The following DPP10 variants were observed in gnomAD, a reference collection of about 807,000 sequenced individuals.
DPP10 encodes the protein dipeptidyl peptidase like 10.
A neutral mutation model predicts 120.9 loss-of-function variants in DPP10; 33 were observed. The observed-to-expected ratio is 0.27, with a 90% confidence interval of 0.21 to 0.37. DPP10 has a LOEUF of 0.37. Among genes scored for constraint, DPP10 ranks in the 10% least tolerant of loss-of-function variants. The pLI is 1.00. For synonymous variants in DPP10, 337 were observed against 326.1 expected (o/e 1.03, Z -0.36); for missense variants, 816 against 942.8 (o/e 0.87, Z 1.76).
intron 1 of DPP10, among the ~76,000 whole-genome samples, chr2:114,562,332 C>T (rs916525093): frequency 9.2e-5 from 14 of 152,150 alleles, no homozygotes; most frequent in African/African-American, 3.4e-4. Flanking sequence ...ATCTTCCTCC[C>T]ACCACTAGGC....
At chr2:115,679,771 T>C (rs9653429) in intron 5 of DPP10, among the ~76,000 whole-genome samples, 8,001 of 152,200 alleles carry the variant, frequency 0.053, 706 homozygotes, top group African/African-American at 0.18. Flanking sequence ...TGTGTATCAC[T>C]TGTACGTGGG....
At chr2:114,618,640 G>T (rs116288712) in intron 1 of DPP10, among the ~76,000 whole-genome samples, 3 of 151,962 alleles carry the variant, frequency 2.0e-5, no homozygotes, top group Non-Finnish European at 4.4e-5. Flanking sequence ...AATAGTTCAG[G>T]TGGGGATTAA....
intron 2 of DPP10, among the ~76,000 whole-genome samples, chr2:115,313,026 A>G (rs1423212620): frequency 1.3e-5 from 2 of 152,122 alleles, no homozygotes; most frequent in Non-Finnish European, 2.9e-5. Flanking sequence ...GTTCGAGACC[A>G]TCCTGGCCAA....
At chr2:115,290,045 A>G (rs372690456) in intron 1 of DPP10, among the ~76,000 whole-genome samples, 1 of 152,074 alleles carries the variant, frequency 6.6e-6, no homozygotes, top group Non-Finnish European at 1.5e-5. Context: ...AAATAATCAA[A>G]AGAGTAAACA....
At chr2:114,956,193 A>C (rs937283434) in intron 1 of DPP10, among the ~76,000 whole-genome samples, 2 of 152,080 alleles carry the variant, frequency 1.3e-5, no homozygotes, top group Non-Finnish European at 2.9e-5. Context: ...TGCATAAAAA[A>C]CCCTAAAGAA....
chr2:115,625,514 T>C (rs985383050), intron 5 of DPP10, among the ~76,000 whole-genome samples: 1 of 152,106 alleles, frequency 6.6e-6, no homozygotes, highest in Admixed American at 6.5e-5. Context: ...AGATAAACGT[T>C]AAGGTATTCA....
intron 1 of DPP10, among the ~76,000 whole-genome samples, chr2:115,206,226 C>T (rs1347320811): frequency 6.6e-6 from 1 of 152,102 alleles, no homozygotes; most frequent in Admixed American, 6.6e-5. Flanking sequence ...GGTGACTGGG[C>T]TGCTACTTGG....
intron 1 of DPP10, among the ~76,000 whole-genome samples, chr2:114,994,435 T>C (rs1700949350): frequency 6.6e-6 from 1 of 152,198 alleles, no homozygotes. Flanking sequence ...AGAACTTATA[T>C]TGGGTATTTC....
intron 19 of DPP10, among the ~76,000 whole-genome samples, chr2:115,795,894 T>A (rs1213868416): frequency 6.6e-6 from 1 of 152,070 alleles, no homozygotes; most frequent in Non-Finnish European, 1.5e-5. Context: ...ACACTTCCTT[T>A]CTTTAGTTTA....
rs1559227579 is a variant in DPP10 at position 115,840,310 on chromosome 2, G to GGT, written c.2183-439_2183-438dup. Among the ~76,000 whole-genome samples the GGT allele has an allele frequency of 1.7e-4, 12 of 69,976 alleles. 1 individual carries two copies. The highest frequency in any genetic ancestry group is 6.0e-4 in the African/African-American group (11 of 18,352). 45.9% of individuals were successfully genotyped at this position (69,976 alleles called of 152,430 possible). A position where few individuals can be genotyped will look rare whatever the true frequency, so the allele number is the denominator to read the frequency against. On this transcript the variant is annotated intron_variant, in intron 24 of 25. Transcript: ENST00000410059. ...GCTTTCTACCTAAAGCCAGATATAA[G>GGT]GTTTTTTGGTTTTTTTTTTTTTTTT...
At chr2:115,768,157 AT>A in intron 12 of DPP10, 139 bp from the exon 13 acceptor site, 2 of 675,636 alleles carry the variant, frequency 3.0e-6, no homozygotes, top group Non-Finnish European at 2.4e-6. Flanking sequence ...GCATACATTC[AT>A]TTTTTTAAAA....
intron 1 of DPP10, among the ~76,000 whole-genome samples, chr2:114,527,095 C>A (rs1685567156): frequency 6.6e-6 from 1 of 152,134 alleles, no homozygotes; most frequent in Non-Finnish European, 1.5e-5. Flanking sequence ...TTCCTTTGGA[C>A]TCTGTGGTTA....
intron 10 of DPP10, among the ~76,000 whole-genome samples, chr2:115,748,962 C>T (rs945642606): frequency 1.3e-5 from 2 of 152,140 alleles, no homozygotes; most frequent in Admixed American, 6.5e-5. Flanking sequence ...AGTTCAGACT[C>T]ATCTCATCAC....
chr2:115,328,666 A>G (rs1310344719), intron 2 of DPP10, among the ~76,000 whole-genome samples: 2 of 151,722 alleles, frequency 1.3e-5, no homozygotes, highest in Admixed American at 6.6e-5. Flanking sequence ...ATAAAATTCT[A>G]TACAAAGAAT....
intron 5 of DPP10, among the ~76,000 whole-genome samples, chr2:115,559,436 G>A (rs997134310): frequency 6.6e-6 from 1 of 152,046 alleles, no homozygotes. Context: ...AACAACAGTA[G>A]CTTTCTTAGT....
At position 115,777,270 on chromosome 2, in the gene DPP10, C is replaced by T. The variant is rs767212063; in HGVS notation, c.1284C>T (p.Ile428=). The part of the protein sequence containing the change: ...LTSGNWEVIK[I]LAYDETTQKI... The stretch of plus-strand genomic sequence containing the variant: ...CAGGAAACTGGGAAGTGATAAAGAT[C>T]TTGGCATACGATGAAACTACTCAAA... Residue 428 remains isoleucine, a synonymous_variant, in exon 14 of 26, where the codon ATC becomes ATT. Transcript: ENST00000410059. 5.0e-6 allele frequency: 8 copies of T among 1,613,050 alleles called. No individual in the cohort carries two copies. In the Admixed American group the frequency reaches 1.2e-4, roughly 24 times the overall value.
At chr2:114,515,419 G>A (rs1684514074) in intron 1 of DPP10, among the ~76,000 whole-genome samples, 1 of 152,142 alleles carries the variant, frequency 6.6e-6, no homozygotes, top group African/African-American at 2.4e-5. Context: ...ACTTTAGAAA[G>A]ACATGAAGCT....
chr2:115,592,501 C>G (rs1448019960), intron 5 of DPP10, among the ~76,000 whole-genome samples: 2 of 151,794 alleles, frequency 1.3e-5, no homozygotes, highest in Non-Finnish European at 2.9e-5. Context: ...AGGCCAAGGC[C>G]TAGCACTTTG....
intron 1 of DPP10, among the ~76,000 whole-genome samples, chr2:114,552,288 G>A (rs965073821): frequency 3.9e-5 from 6 of 152,056 alleles, no homozygotes; most frequent in African/African-American, 1.4e-4. Context: ...ACGATGCTAA[G>A]GGGTTTGTGT....
Sources: gnomAD v4.1 joint callset for allele counts (sites outside exome capture counted in the v4.1 genomes callset) on GRCh38, gnomAD v4.1.1 for gene constraint, MANE v1.5 for transcripts, NCBI Gene and HGNC (gene_info 2026-07-23, HGNC 2026-07-21) for gene names.